MARCHF3: variants seen among roughly 807,000 people sequenced by gnomAD.
The protein encoded by MARCHF3 is E3 ubiquitin-protein ligase MARCHF3.
A neutral mutation model predicts 24.2 loss-of-function variants in MARCHF3; 13 were observed. The observed-to-expected ratio is 0.54, with a 90% CI of 0.35 to 0.85. The LOEUF (loss-of-function observed/expected upper bound fraction) is 0.85, where lower values mean the gene tolerates loss of function less well. Ranked by LOEUF, MARCHF3 falls within the 40% of genes least tolerant of loss-of-function variation. The probability of loss-of-function intolerance (pLI) is 0.01; values close to 1 mark genes in which losing one functional copy is unlikely to be tolerated. For synonymous variants in MARCHF3, 144 were observed against 137.3 expected, an observed-to-expected ratio of 1.05 and a Z score of -0.34; for missense variants, 276 against 325.0, an observed-to-expected ratio of 0.85 and a Z score of 1.16.
At position 126,989,310 on chromosome 5, in the gene MARCHF3, C is replaced by CTAG. The variant is rs1310929769; in HGVS notation, c.-57+41039_-57+41040insCTA. ...ACTACTACTACTACTACTACTAGTA[C>CTAG]TACTACTACTACTACTACTACTACT... On this transcript the variant is annotated intron_variant, in intron 1 of 4. Coordinates refer to ENST00000308660, the MANE Select transcript of MARCHF3 (RefSeq NM_178450.5). Among the ~76,000 whole-genome samples, 443 of 140,444 alleles carry CTAG rather than the reference C, an allele frequency of 3.2e-3. 1 individual carries two copies. The highest frequency in any genetic ancestry group is 5.9e-3 in the Non-Finnish European group (394 of 66,750). 92.1% of individuals were successfully genotyped at this position (140,444 alleles called of 152,430 possible).
intron 3 of MARCHF3, among the ~76,000 whole-genome samples, chr5:126,878,769 C>A (rs1428429848): frequency 1.3e-5 from 2 of 152,196 alleles, no homozygotes; most frequent in East Asian, 3.9e-4. Flanking sequence ...AGTGTCTTCA[C>A]CCTGGGAATA....
At chr5:126,907,497 T>C (rs1754343833) in intron 3 of MARCHF3, among the ~76,000 whole-genome samples, 1 of 151,818 alleles carries the variant, frequency 6.6e-6, no homozygotes, top group Non-Finnish European at 1.5e-5. Flanking sequence ...TGAATCTGGG[T>C]GCTCCTGTAT....
At chr5:126,880,364 G>C (rs146911185) in intron 3 of MARCHF3, among the ~76,000 whole-genome samples, 5 of 152,294 alleles carry the variant, frequency 3.3e-5, no homozygotes, top group African/African-American at 4.8e-5. Context: ...ATGGGGAGCT[G>C]ACTTGTCTGC....
chr5:126,924,210 C>T (rs1207783651), intron 1 of MARCHF3, among the ~76,000 whole-genome samples: 1 of 152,194 alleles, frequency 6.6e-6, no homozygotes, highest in Non-Finnish European at 1.5e-5. Context: ...AATGGCTAGA[C>T]GTCTTTCTGC....
At chr5:126,898,149 T>G (rs1001382829) in intron 3 of MARCHF3, among the ~76,000 whole-genome samples, 2 of 152,040 alleles carry the variant, frequency 1.3e-5, no homozygotes, top group African/African-American at 2.4e-5. Context: ...TATACAACCG[T>G]GAAAATACAA....
intron 1 of MARCHF3, among the ~76,000 whole-genome samples, chr5:126,983,672 C>CAAA (rs1157707262): frequency 5.9e-5 from 9 of 151,952 alleles, no homozygotes; most frequent in African/African-American, 2.2e-4. Flanking sequence ...CACTGGGGCT[C>CAAA]AGACGGCTGA....
At chr5:126,963,724 G>A (rs1398008788) in intron 1 of MARCHF3, among the ~76,000 whole-genome samples, 2 of 152,220 alleles carry the variant, frequency 1.3e-5, no homozygotes, top group Non-Finnish European at 2.9e-5. Context: ...AGAGCAAGTA[G>A]AGGATTTTGA....
At chr5:126,905,986 T>G (rs1350363312) in intron 3 of MARCHF3, among the ~76,000 whole-genome samples, 9 of 151,968 alleles carry the variant, frequency 5.9e-5, no homozygotes. Flanking sequence ...TTGAGATACG[T>G]CCCATCAATA....
At chr5:126,949,882 T>C (rs539445112) in intron 1 of MARCHF3, among the ~76,000 whole-genome samples, 1 of 152,284 alleles carries the variant, frequency 6.6e-6, no homozygotes, top group South Asian at 2.1e-4. Context: ...AAGAGATAGC[T>C]TCTGTGATCC....
Position 126,898,369 on chromosome 5 carries a change from T to G in MARCHF3, c.393+16561A>C, listed in dbSNP as rs553829307. The stretch of plus-strand genomic sequence containing the variant: ...TTTCCTTTGCCTTGCCACATCTTCG[T>G]CTAACGGAGTGATTTTTCAGATACA... On this transcript the variant is annotated intron_variant, in intron 3 of 4. Coordinates refer to ENST00000308660, the MANE Select transcript of MARCHF3 (RefSeq NM_178450.5). 1.9e-3 allele frequency among the ~76,000 whole-genome samples: 291 copies of G among 152,218 alleles called. 3 individuals are homozygous for G. The highest frequency in any genetic ancestry group is 6.6e-3 in the African/African-American group (273 of 41,516).
At chr5:126,985,196 CA>C (rs910036123) in intron 1 of MARCHF3, among the ~76,000 whole-genome samples, 52 of 151,542 alleles carry the variant, frequency 3.4e-4, no homozygotes, top group African/African-American at 1.2e-3. Flanking sequence ...GGTATGCCTA[CA>C]AAAAAAGGAA....
chr5:126,951,853 A>AT lies in MARCHF3; in HGVS notation c.-56-33627dup, dbSNP rs111789958. On this transcript the variant is annotated intron_variant, in intron 1 of 4. Coordinates refer to ENST00000308660, the MANE Select transcript of MARCHF3 (RefSeq NM_178450.5). Reference sequence around the variant, plus strand: ...TTCAGTGTTTCCTCTGTAGGTGTTTATTTTTTTTTTGAGACAGAGTTTCAC... The same window carrying AT: ...TTCAGTGTTTCCTCTGTAGGTGTTTATTTTTTTTTTTGAGACAGAGTTTCAC... Among the ~76,000 whole-genome samples the AT allele has an allele frequency of 1.5e-3, 230 of 149,238 alleles. 1 individual carries two copies. The highest frequency in any genetic ancestry group is 5.2e-3 in the Admixed American group (78 of 14,944).
At chr5:126,964,545 C>A (rs1007974989) in intron 1 of MARCHF3, among the ~76,000 whole-genome samples, 5 of 152,094 alleles carry the variant, frequency 3.3e-5, no homozygotes, top group African/African-American at 1.2e-4. Context: ...ATGGTACATG[C>A]CTTTGGTAAA....
At chr5:126,909,766 C>T (rs1451324888) in intron 3 of MARCHF3, among the ~76,000 whole-genome samples, 3 of 152,180 alleles carry the variant, frequency 2.0e-5, no homozygotes, top group Non-Finnish European at 4.4e-5. Context: ...AGAAATCACC[C>T]GTCTTCTGCG....
At chr5:127,017,393 A>C (rs1580493464) in intron 1 of MARCHF3, among the ~76,000 whole-genome samples, 1 of 152,228 alleles carries the variant, frequency 6.6e-6, no homozygotes. Flanking sequence ...AGTATTACTC[A>C]AACTTCCCTC....
At chr5:127,003,425 G>C (rs1752201059) in intron 1 of MARCHF3, among the ~76,000 whole-genome samples, 1 of 149,790 alleles carries the variant, frequency 6.7e-6, no homozygotes, top group Non-Finnish European at 1.5e-5. Flanking sequence ...CCGAGATCGC[G>C]CCACTGCACT....
intron 3 of MARCHF3, among the ~76,000 whole-genome samples, chr5:126,910,716 A>C (rs1754489604): frequency 6.6e-6 from 1 of 152,190 alleles, no homozygotes; most frequent in Non-Finnish European, 1.5e-5. Flanking sequence ...TTAACTGCAA[A>C]ATTGTTTGTA....
chr5:126,980,073 T>C (rs963407457), intron 1 of MARCHF3, among the ~76,000 whole-genome samples: 6 of 152,108 alleles, frequency 3.9e-5, no homozygotes, highest in African/African-American at 1.4e-4. Flanking sequence ...GGATCAAACT[T>C]CTTACTGACA....
At chr5:127,026,045 A>T (rs187173089) in intron 1 of MARCHF3, among the ~76,000 whole-genome samples, 61 of 152,254 alleles carry the variant, frequency 4.0e-4, no homozygotes, top group Admixed American at 1.0e-3. Context: ...AGCATAAAAA[A>T]CTTGAAAAGA....
Sources: gnomAD v4.1 joint callset for allele counts (sites outside exome capture counted in the v4.1 genomes callset) on GRCh38, gnomAD v4.1.1 for gene constraint, MANE v1.5 for transcripts, NCBI Gene and HGNC (gene_info 2026-07-23, HGNC 2026-07-21) for gene names.